The following ZNF578 variants were observed in gnomAD, a reference collection of about 807,000 sequenced individuals.
ZNF578 encodes the protein zinc finger protein 578, also known as Putative chemokine-related protein B42.
A neutral mutation model predicts 8.3 loss-of-function variants in ZNF578; 8 were observed. The observed-to-expected ratio is 0.96, with a 90% confidence interval of 0.56 to 1.74. ZNF578 has a LOEUF of 1.74. Among genes scored for constraint, ZNF578 ranks in the 40% most tolerant of loss-of-function variants. The pLI is 0.00. For missense variants in ZNF578, 726 were observed against 707.5 expected, an observed-to-expected ratio of 1.03 and a Z score of -0.30; for synonymous variants, 206 against 232.2, an observed-to-expected ratio of 0.89 and a Z score of 1.03.
chr19:52,484,091 A>T (rs1047421861), intron 2 of ZNF578, among the ~76,000 whole-genome samples: 1 of 152,006 alleles, frequency 6.6e-6, no homozygotes, highest in South Asian at 2.1e-4. Flanking sequence ...AATAGTAGAG[A>T]GGTCAGCAGG....
In ZNF578 at chr19:52,513,278, T is replaced by TC. The variant is rs1402813089; in HGVS notation, c.*1127dup. Among the ~76,000 whole-genome samples, 1 of 148,346 alleles carries TC rather than the reference T, an allele frequency of 6.7e-6. No individual in the cohort carries two copies. Among genetic ancestry groups the TC allele is most frequent in the African/African-American group, 2.5e-5 (1 of 40,520 alleles). ...CTCAGGTGATCCGCCCACCTCAGCC[T>TC]CCCAAAGTGATGAGATTACAGGCAT... On this transcript the variant is annotated 3_prime_UTR_variant, in exon 6 of 6. Transcript: ENST00000421239.
At chr19:52,487,149 A>G (rs546015856) in intron 2 of ZNF578, among the ~76,000 whole-genome samples, 38 of 152,166 alleles carry the variant, frequency 2.5e-4, no homozygotes, top group African/African-American at 9.2e-4. Context: ...CCTGGGCAAC[A>G]TAGTGAGAAC....
chr19:52,501,637 G>A (rs997549843), intron 3 of ZNF578, among the ~76,000 whole-genome samples, 190 bp from the exon 4 acceptor site: 1 of 152,152 alleles, frequency 6.6e-6, no homozygotes, highest in African/African-American at 2.4e-5. Flanking sequence ...GGCGAGATCT[G>A]AAGACCAGGG....
intron 2 of ZNF578, among the ~76,000 whole-genome samples, chr19:52,465,747 G>C (rs2059272920): frequency 6.6e-6 from 1 of 152,198 alleles, no homozygotes; most frequent in Admixed American, 6.5e-5. Flanking sequence ...CAAATACGTG[G>C]CGTACTTATA....
chr19:52,494,918 A>G (rs1202839752), intron 3 of ZNF578, among the ~76,000 whole-genome samples: 1 of 151,950 alleles, frequency 6.6e-6, no homozygotes, highest in African/African-American at 2.4e-5. Flanking sequence ...TGAAGCCTCG[A>G]CCTCCTAGGC....
chr19:52,468,401 A>T (rs556344078), intron 2 of ZNF578, among the ~76,000 whole-genome samples: 4 of 152,338 alleles, frequency 2.6e-5, no homozygotes, highest in African/African-American at 9.6e-5. Flanking sequence ...CATATTGTGC[A>T]ATGGGACCTA....
At chr19:52,461,583 A>T (rs2059258114) in intron 2 of ZNF578, among the ~76,000 whole-genome samples, 1 of 152,214 alleles carries the variant, frequency 6.6e-6, no homozygotes, top group African/African-American at 2.4e-5. Flanking sequence ...CTTACCAGCA[A>T]CACAGATGTT....
rs1400550257 is a variant in ZNF578 at position 52,511,118 on chromosome 19, T to A, written c.737T>A (p.Val246Glu). Residue 246 changes from valine to glutamate, a missense_variant, in exon 6 of 6, where the codon GTA (valine) becomes GAA (glutamate). Coordinates refer to ENST00000421239, the MANE Select transcript of ZNF578 (RefSeq NM_001099694.2). ...GAAGCCTTTAATTGTAGCTCATTTGTAAGGAAACATCAGATAATCCATTTA... is the reference window on the plus strand; with the variant it reads ...GAAGCCTTTAATTGTAGCTCATTTGAAAGGAAACATCAGATAATCCATTTA... ...TGEAFNCSSF[V>E]RKHQIIHLGE... 1 of 1,614,148 alleles carries A rather than the reference T, an allele frequency of 6.2e-7. No homozygotes were observed. The highest frequency in any genetic ancestry group is 1.1e-5 in the South Asian group (1 of 91,082).
At chr19:52,494,855 A>G (rs1011240632) in intron 3 of ZNF578, among the ~76,000 whole-genome samples, 5 of 152,284 alleles carry the variant, frequency 3.3e-5, no homozygotes, top group African/African-American at 1.2e-4. Flanking sequence ...ATTTTGAGAC[A>G]GGGTCTGGCC....
intron 1 of ZNF578, chr19:52,454,507 C>A (rs1486780771): frequency 3.9e-5 from 6 of 152,180 alleles, no homozygotes; most frequent in Admixed American, 6.5e-5. Context: ...TTCCCATGAC[C>A]CAGTCTTCAG....
chr19:52,484,732 G>C (rs1157507794), intron 2 of ZNF578, among the ~76,000 whole-genome samples: 10 of 150,140 alleles, frequency 6.7e-5, no homozygotes, highest in Admixed American at 2.6e-4. Flanking sequence ...TGGCTCAAAA[G>C]CTCCCCCACT....
chr19:52,478,466 A>T (rs1008057681), intron 2 of ZNF578, among the ~76,000 whole-genome samples: 5 of 152,136 alleles, frequency 3.3e-5, no homozygotes, highest in African/African-American at 9.7e-5. Context: ...GGCGGTACAG[A>T]TGTTTCTGCA....
chr19:52,486,938 A>C (rs1236568082), intron 2 of ZNF578, among the ~76,000 whole-genome samples: 1 of 151,986 alleles, frequency 6.6e-6, no homozygotes, highest in Non-Finnish European at 1.5e-5. Context: ...GGGGCACAAA[A>C]TGAAGAGCAG....
chr19:52,458,484 T>TATATATATA (rs1167339096), intron 2 of ZNF578: 1 of 11,600 alleles, frequency 8.6e-5, no homozygotes, highest in Non-Finnish European at 2.4e-4. Context: ...ATATATATAT[T>TATATATATA]TTGAAAATCT....
intron 5 of ZNF578, 67 bp from the exon 6 acceptor site, chr19:52,510,505 T>A: frequency 6.9e-7 from 1 of 1,440,208 alleles, no homozygotes; most frequent in Non-Finnish European, 9.1e-7. Context: ...TGTGTCATAT[T>A]TACACACTTC....
rs2059469977 is a variant in ZNF578 at position 52,515,409 on chromosome 19, CTG to C, written c.*3257_*3258del. 6.6e-6 allele frequency among the ~76,000 whole-genome samples: 1 copy of C among 152,128 alleles called. No homozygotes were observed. The highest frequency in any genetic ancestry group is 2.1e-4 in the South Asian group (1 of 4,826). ...TGAGTTTTTTGTAAGGAAGAATTAA[CTG>C]TCAGGAATCAATGTCATCAGAACCT... On this transcript the variant is annotated 3_prime_UTR_variant, in exon 6 of 6. Coordinates refer to ENST00000421239, the MANE Select transcript of ZNF578 (RefSeq NM_001099694.2).
chr19:52,475,689 T>C (rs563572397), intron 2 of ZNF578, among the ~76,000 whole-genome samples: 2 of 152,272 alleles, frequency 1.3e-5, no homozygotes, highest in African/African-American at 4.8e-5. Context: ...CTAATAGCTG[T>C]TGAAAATAAT....
At position 52,514,443 on chromosome 19, in the gene ZNF578, G is replaced by A. The variant is rs2059464380; in HGVS notation, c.*2289G>A. Reference sequence around the variant, plus strand: ...CTACTACTTAAGTTTGATTGTTGCAGTGTGTACTTGGTAAAGATGTCAGTG... The same window carrying A: ...CTACTACTTAAGTTTGATTGTTGCAATGTGTACTTGGTAAAGATGTCAGTG... On this transcript the variant is annotated 3_prime_UTR_variant, in exon 6 of 6. Coordinates refer to ENST00000421239, the MANE Select transcript of ZNF578 (RefSeq NM_001099694.2). Among the ~76,000 whole-genome samples, 1 of 152,200 alleles carries A rather than the reference G, an allele frequency of 6.6e-6. No homozygotes were observed. Among genetic ancestry groups the A allele is most frequent in the Non-Finnish European group, 1.5e-5 (1 of 68,046 alleles).
chr19:52,497,515 C>T (rs1192546784), intron 3 of ZNF578, among the ~76,000 whole-genome samples: 1 of 152,164 alleles, frequency 6.6e-6, no homozygotes, highest in Non-Finnish European at 1.5e-5. Context: ...GTCACCATGC[C>T]CGGCCTTATT....
Sources: allele counts gnomAD v4.1 joint callset (sites outside exome capture counted in the v4.1 genomes callset), GRCh38; gene constraint gnomAD v4.1.1; transcripts MANE v1.5; gene names NCBI Gene and HGNC (gene_info 2026-07-23, HGNC 2026-07-21).